The following CPA6 variants were observed in gnomAD, a reference collection of about 807,000 sequenced individuals.
CPA6 encodes the protein carboxypeptidase B.
In CPA6, 58 loss-of-function variants were observed where a neutral mutation model predicts 63.3. The observed-to-expected ratio is 0.92, with a 90% CI of 0.74 to 1.14. The LOEUF (loss-of-function observed/expected upper bound fraction) is 1.14, where lower values mean the gene tolerates loss of function less well. Among genes scored for constraint, CPA6 ranks in the 50% most tolerant of loss-of-function variants. CPA6 has a pLI of 0.00. For synonymous variants in CPA6, 185 were observed against 179.0 expected (o/e 1.03, Z -0.27); for missense variants, 565 against 526.6 (o/e 1.07, Z -0.71).
At chr8:67,475,981 T>G (rs1368426744) in intron 8 of CPA6, among the ~76,000 whole-genome samples, 1 of 145,276 alleles carries the variant, frequency 6.9e-6, no homozygotes, top group Non-Finnish European at 1.5e-5. Flanking sequence ...TCTCTTTCTT[T>G]CTCTCCCCTT....
chr8:67,602,437 T>C (rs867040624), intron 2 of CPA6, among the ~76,000 whole-genome samples: 2 of 152,170 alleles, frequency 1.3e-5, no homozygotes, highest in South Asian at 2.1e-4. Context: ...CAAAAATAAA[T>C]ACGTCCAACT....
At chr8:67,541,421 G>C (rs1351473828) in intron 2 of CPA6, among the ~76,000 whole-genome samples, 1 of 152,074 alleles carries the variant, frequency 6.6e-6, no homozygotes, top group African/African-American at 2.4e-5. Flanking sequence ...ATCGACCCCT[G>C]ATCTAATCGG....
chr8:67,629,877 C>T (rs944163477), intron 1 of CPA6, among the ~76,000 whole-genome samples: 35 of 152,084 alleles, frequency 2.3e-4, no homozygotes, highest in East Asian at 9.7e-4. Context: ...GAGGCCGAGG[C>T]GGGTGGATCA....
At chr8:67,489,105 T>C (rs1230824486) in intron 6 of CPA6, among the ~76,000 whole-genome samples, 2 of 148,982 alleles carry the variant, frequency 1.3e-5, no homozygotes, top group African/African-American at 2.6e-5. Flanking sequence ...AGGAGTGTTT[T>C]TTTTCTTTTT....
chr8:67,615,778 G>A (rs1814929415), intron 2 of CPA6, among the ~76,000 whole-genome samples: 1 of 152,202 alleles, frequency 6.6e-6, no homozygotes, highest in South Asian at 2.1e-4. Context: ...ATAGATGTTA[G>A]GGTCTAACAG....
At chr8:67,530,151 T>C (rs1173891662) in intron 2 of CPA6, among the ~76,000 whole-genome samples, 6 of 150,162 alleles carry the variant, frequency 4.0e-5, no homozygotes, top group African/African-American at 1.5e-4. Flanking sequence ...TTAAAATCCA[T>C]ACAATAATTG....
chr8:67,743,893 A>C (rs1412493055), intron 1 of CPA6, among the ~76,000 whole-genome samples: 3 of 152,212 alleles, frequency 2.0e-5, no homozygotes, highest in Non-Finnish European at 2.9e-5. Context: ...CTGCCCCTTC[A>C]TTAGTAGCAA....
intron 6 of CPA6, among the ~76,000 whole-genome samples, chr8:67,498,535 C>CAAAAAA (rs397940852): frequency 1.5e-4 from 5 of 33,170 alleles, no homozygotes; most frequent in African/African-American, 2.9e-4. Context: ...GACTCCATCT[C>CAAAAAA]AAAAAAAAAA....
chr8:67,613,126 G>A (rs7814691), intron 2 of CPA6, among the ~76,000 whole-genome samples: 17,038 of 152,146 alleles, frequency 0.11, 1,006 homozygotes, highest in South Asian at 0.15. Context: ...ATAAAACTTC[G>A]TTAGTAATTG....
rs144259858 is a variant in CPA6 at position 67,564,122 on chromosome 8, T to C, written c.193-46075A>G. ...GGGCACCTGCCACATGATAGGTGCTTAGCATTGCAAAAATGACATCACTGC... is the reference window on the plus strand; with the variant it reads ...GGGCACCTGCCACATGATAGGTGCTCAGCATTGCAAAAATGACATCACTGC... On this transcript the variant is annotated intron_variant, in intron 2 of 10. Transcript: ENST00000297770. 8.2e-3 allele frequency among the ~76,000 whole-genome samples: 1,253 copies of C among 152,280 alleles called. 9 individuals are homozygous for C. The highest frequency in any genetic ancestry group is 0.036 in the South Asian group (172 of 4,826).
rs1167081439 is a variant in CPA6 at position 67,679,973 on chromosome 8, G to A, written c.117-55722C>T. On this transcript the variant is annotated intron_variant, in intron 1 of 10. Transcript: ENST00000297770. ...TATCGTTTTTCATGGTAGCCATGGA[G>A]GATGAGGCACACATGAAAAACTGAC... Among the ~76,000 whole-genome samples the A allele has an allele frequency of 7.2e-5, 11 of 152,162 alleles. No individual in the cohort carries two copies. The East Asian group carries it at 2.1e-3, about 29-fold the overall frequency.
chr8:67,480,812 T>C (rs1811341981), intron 8 of CPA6, among the ~76,000 whole-genome samples: 2 of 152,230 alleles, frequency 1.3e-5, no homozygotes, highest in African/African-American at 4.8e-5. Flanking sequence ...CCAGTTTTTT[T>C]ACACCCTCAC....
chr8:67,626,028 C>T (rs1436907241), intron 1 of CPA6, among the ~76,000 whole-genome samples: 1 of 152,148 alleles, frequency 6.6e-6, no homozygotes. Flanking sequence ...TATGTCACCT[C>T]CTTCTTTGCT....
intron 1 of CPA6, among the ~76,000 whole-genome samples, chr8:67,631,727 CTT>C (rs1310485669): frequency 6.6e-6 from 1 of 152,200 alleles, no homozygotes; most frequent in African/African-American, 2.4e-5. Flanking sequence ...GGTGCTCACT[CTT>C]TGGGTCTGCA....
intron 1 of CPA6, among the ~76,000 whole-genome samples, chr8:67,676,263 C>T (rs369248892): frequency 3.9e-5 from 6 of 152,298 alleles, no homozygotes; most frequent in African/African-American, 1.2e-4. Context: ...GGCAGCTTCG[C>T]ATTCACTTCC....
At chr8:67,512,017 T>C (rs1812053021) in intron 3 of CPA6, among the ~76,000 whole-genome samples, 1 of 152,308 alleles carries the variant, frequency 6.6e-6, no homozygotes, top group Admixed American at 6.5e-5. Flanking sequence ...TACATAATCT[T>C]AGCTAATAGC....
Position 67,523,387 on chromosome 8 carries a change from G to A in CPA6, c.193-5340C>T, listed in dbSNP as rs150212370. Among the ~76,000 whole-genome samples, 159 of 152,168 alleles carry A rather than the reference G, an allele frequency of 1.0e-3. 1 individual carries two copies. The highest frequency in any genetic ancestry group is 3.2e-3 in the African/African-American group (132 of 41,524). Reference sequence around the variant, plus strand: ...ACTAAAAATATAAAAAAATTAGCCAGGCGTGGTGGTGGTCACCTGTAGTCC... The same window carrying A: ...ACTAAAAATATAAAAAAATTAGCCAAGCGTGGTGGTGGTCACCTGTAGTCC... On this transcript the variant is annotated intron_variant, in intron 2 of 10. Coordinates refer to ENST00000297770, the MANE Select transcript of CPA6 (RefSeq NM_020361.5).
At chr8:67,512,174 A>G (rs903613292) in intron 3 of CPA6, among the ~76,000 whole-genome samples, 5 of 152,302 alleles carry the variant, frequency 3.3e-5, no homozygotes, top group Middle Eastern at 3.4e-3. Flanking sequence ...CCAAATTCCA[A>G]TCTTGAGATT....
chr8:67,434,387 A>C, intron 8 of CPA6, 147 bp from the exon 9 acceptor site: 1 of 736,952 alleles, frequency 1.4e-6, no homozygotes, highest in South Asian at 1.9e-5. Flanking sequence ...CATTTATGGA[A>C]ATCAGTACAA....
Sources: allele counts gnomAD v4.1 joint callset (sites outside exome capture counted in the v4.1 genomes callset), GRCh38; gene constraint gnomAD v4.1.1; transcripts MANE v1.5; gene names NCBI Gene and HGNC (gene_info 2026-07-23, HGNC 2026-07-21).